RFC3: variants seen among roughly 807,000 people sequenced by gnomAD.
RFC3 encodes the protein replication factor C subunit 3, also known as A1 38 kDa subunit.
A neutral mutation model predicts 45.1 loss-of-function variants in RFC3; 41 were observed. The observed-to-expected ratio is 0.91, with a 90% CI of 0.71 to 1.18. RFC3 has a LOEUF of 1.18. RFC3 is among the 50% of genes most tolerant of loss of function. The probability of loss-of-function intolerance (pLI) is 0.00; values close to 1 mark genes in which losing one functional copy is unlikely to be tolerated. For synonymous variants in RFC3, 149 were observed against 144.0 expected (o/e 1.03, Z -0.25); for missense variants, 423 against 428.1 (o/e 0.99, Z 0.10).
intron 8 of RFC3, among the ~76,000 whole-genome samples, chr13:33,859,747 G>A (rs1463015485): frequency 6.6e-6 from 1 of 152,128 alleles, no homozygotes; most frequent in Admixed American, 6.5e-5. Flanking sequence ...ACGTAATGGT[G>A]GATAAATGAC....
At chr13:33,882,946 T>A (rs1338806099) in intron 8 of RFC3, among the ~76,000 whole-genome samples, 1 of 152,232 alleles carries the variant, frequency 6.6e-6, no homozygotes, top group Non-Finnish European at 1.5e-5. Context: ...TCCATTTTTA[T>A]TCCTTTCTGT....
At chr13:33,860,193 C>CA (rs1272215328) in intron 8 of RFC3, among the ~76,000 whole-genome samples, 1 of 151,676 alleles carries the variant, frequency 6.6e-6, no homozygotes, top group East Asian at 1.9e-4. Context: ...CCACCTGTGG[C>CA]ATTTTGTTTT....
chr13:33,859,109 G>A (rs142729909), intron 8 of RFC3, among the ~76,000 whole-genome samples: 27 of 152,228 alleles, frequency 1.8e-4, no homozygotes, highest in African/African-American at 6.5e-4. Flanking sequence ...AATACACCAT[G>A]ATTTTATTTG....
At chr13:33,948,344 G>T (rs2082967417) in intron 8 of RFC3, among the ~76,000 whole-genome samples, 1 of 152,238 alleles carries the variant, frequency 6.6e-6, no homozygotes, top group Admixed American at 6.5e-5. Flanking sequence ...ATTGAGGCTG[G>T]AGAACCTCTG....
intron 8 of RFC3, among the ~76,000 whole-genome samples, chr13:33,858,879 T>G (rs1458938345): frequency 6.6e-6 from 1 of 152,230 alleles, no homozygotes; most frequent in African/African-American, 2.4e-5. Context: ...ATTCTGTTTC[T>G]TGGACATCTC....
intron 8 of RFC3, among the ~76,000 whole-genome samples, chr13:33,945,119 A>T (rs1007124868): frequency 1.3e-5 from 2 of 152,190 alleles, no homozygotes; most frequent in Non-Finnish European, 2.9e-5. Flanking sequence ...GTTGATTAAC[A>T]TCCTGCTTTC....
downstream of RFC3, among the ~76,000 whole-genome samples, chr13:33,839,663 T>G (rs1030961639): frequency 6.6e-6 from 1 of 152,222 alleles, no homozygotes; most frequent in East Asian, 1.9e-4. Flanking sequence ...TCTTCCTGTT[T>G]CCATTAGTAG....
chr13:33,956,789 T>C (rs1174176307), intron 8 of RFC3, among the ~76,000 whole-genome samples: 1 of 152,230 alleles, frequency 6.6e-6, no homozygotes, highest in African/African-American at 2.4e-5. Flanking sequence ...ACATATGTCC[T>C]GATAATCAAA....
At position 33,867,644 on chromosome 13, in the gene RFC3, A is replaced by G. The variant is rs145003026; in HGVS notation, c.879+32427A>G. Among the ~76,000 whole-genome samples, 290 of 152,294 alleles carry G rather than the reference A, an allele frequency of 1.9e-3. 1 individual carries two copies. Among genetic ancestry groups the G allele is most frequent in the African/African-American group, 6.4e-3 (267 of 41,562 alleles). On this transcript the variant is annotated intron_variant, in intron 8 of 8. Coordinates refer to the RFC3 transcript ENST00000434425. ...AAGTGGTGAAAATTAATGAAAAATT[A>G]CAGCTGCCCCCTACAGGCCAGACCC...
At chr13:33,851,957 T>C (rs894705940) in intron 8 of RFC3, among the ~76,000 whole-genome samples, 2 of 152,190 alleles carry the variant, frequency 1.3e-5, no homozygotes, top group Non-Finnish European at 2.9e-5. Flanking sequence ...TATCAAATTT[T>C]ATAAAAAATG....
intron 8 of RFC3, among the ~76,000 whole-genome samples, chr13:33,939,621 G>A (rs903384174): frequency 6.6e-6 from 1 of 152,192 alleles, no homozygotes; most frequent in Non-Finnish European, 1.5e-5. Flanking sequence ...TATTAAACCC[G>A]AGGAGGGGTG....
At chr13:33,844,392 T>G (rs891948869) in intron 8 of RFC3, among the ~76,000 whole-genome samples, 8 of 152,228 alleles carry the variant, frequency 5.3e-5, no homozygotes, top group African/African-American at 1.9e-4. Flanking sequence ...GTTTCTGCTG[T>G]TCTTCTCTCT....
At chr13:33,974,518 A>T in the RFC3 span, among the ~76,000 whole-genome samples, 1 of 152,190 alleles carries the variant, frequency 6.6e-6, no homozygotes, top group Non-Finnish European at 1.5e-5. Flanking sequence ...TTTGTCATGA[A>T]TTAAGGATTC....
At chr13:33,926,407 A>G (rs1467070987) in intron 8 of RFC3, among the ~76,000 whole-genome samples, 3 of 152,126 alleles carry the variant, frequency 2.0e-5, no homozygotes, top group Non-Finnish European at 4.4e-5. Context: ...CACATTCGTC[A>G]TAACAAATGT....
intron 8 of RFC3, among the ~76,000 whole-genome samples, chr13:33,858,980 T>A (rs1295613114): frequency 6.6e-6 from 1 of 152,192 alleles, no homozygotes. Flanking sequence ...GAATGCACAC[T>A]CAGTCGTATG....
At chr13:33,878,183 A>C (rs1054786312) in intron 8 of RFC3, among the ~76,000 whole-genome samples, 3 of 152,208 alleles carry the variant, frequency 2.0e-5, no homozygotes, top group Non-Finnish European at 4.4e-5. Context: ...ATCCCACTAG[A>C]ACTTTTTGAT....
rs116784987 is a variant in RFC3, at chr13:33,870,112, T to C, written c.879+34895T>C. On this transcript the variant is annotated intron_variant, in intron 8 of 8. Transcript: ENST00000434425. ...TGTGCTCGGAATATTTTGGATTCTG[T>C]TTTGATTTTGGTGAAAATCCTCATA... 8.4e-3 allele frequency among the ~76,000 whole-genome samples: 1,286 copies of C among 152,320 alleles called. 14 individuals carry two copies. Among genetic ancestry groups the C allele is most frequent in the African/African-American group, 0.029 (1,220 of 41,560 alleles).
At chr13:33,910,383 T>C (rs1467328755) in intron 8 of RFC3, among the ~76,000 whole-genome samples, 19 of 152,262 alleles carry the variant, frequency 1.2e-4, no homozygotes, top group Non-Finnish European at 2.9e-5. Flanking sequence ...ATGGTGAAGA[T>C]TGAAGGCATT....
At chr13:33,900,725 ACAAT>A (rs1040810000) in intron 8 of RFC3, among the ~76,000 whole-genome samples, 1 of 151,982 alleles carries the variant, frequency 6.6e-6, no homozygotes, top group Non-Finnish European at 1.5e-5. Context: ...AACAAAAGAA[ACAAT>A]CAACAAAGAG....
Sources: gnomAD v4.1 joint callset for allele counts (sites outside exome capture counted in the v4.1 genomes callset) on GRCh38, gnomAD v4.1.1 for gene constraint, MANE v1.5 for transcripts, NCBI Gene and HGNC (gene_info 2026-07-23, HGNC 2026-07-21) for gene names.